DOCK2: variants seen among roughly 807,000 people sequenced by gnomAD.
DOCK2 encodes dedicator of cytokinesis 2.
Under a neutral mutation model 248.9 loss-of-function variants are expected in DOCK2, and 87 were observed. That is an observed-to-expected ratio of 0.35 (90% CI 0.29 to 0.42). DOCK2 has a LOEUF of 0.42. DOCK2 is among the 10% of genes least tolerant of loss of function. DOCK2 has a pLI of 1.00. For missense variants in DOCK2, 1,747 were observed against 2,300.2 expected, an observed-to-expected ratio of 0.76 and a Z score of 4.92; for synonymous variants, 805 against 821.6, an observed-to-expected ratio of 0.98 and a Z score of 0.35.
At chr5:169,908,807 C>G (rs555207087) in intron 27 of DOCK2, among the ~76,000 whole-genome samples, 2 of 150,404 alleles carry the variant, frequency 1.3e-5, no homozygotes, top group East Asian at 3.9e-4. Context: ...CTCTGCCTCC[C>G]AGGTTCAAGC....
intron 27 of DOCK2, among the ~76,000 whole-genome samples, chr5:169,930,242 G>T (rs1040380142): frequency 6.6e-6 from 1 of 152,042 alleles, no homozygotes; most frequent in Non-Finnish European, 1.5e-5. Context: ...CGCCTGCCTC[G>T]GCCTCCCAAA....
intron 9 of DOCK2, among the ~76,000 whole-genome samples, chr5:169,693,341 A>T (rs375830397): frequency 6.6e-6 from 1 of 152,290 alleles, no homozygotes; most frequent in African/African-American, 2.4e-5. Context: ...TGACAAAAAT[A>T]ACCTACTTAT....
At chr5:170,028,763 A>G (rs71589849) in intron 34 of DOCK2, among the ~76,000 whole-genome samples, 16 of 122,316 alleles carry the variant, frequency 1.3e-4, no homozygotes, top group African/African-American at 4.9e-4. Context: ...ACACACACAC[A>G]CACACGCGTG....
chr5:169,741,300 G>A (rs1763289561), intron 22 of DOCK2, among the ~76,000 whole-genome samples: 1 of 151,968 alleles, frequency 6.6e-6, no homozygotes, highest in Non-Finnish European at 1.5e-5. Flanking sequence ...TCCTTTGCAT[G>A]CCTATTTCAT....
At chr5:169,855,737 A>G (rs544002096) in intron 27 of DOCK2, among the ~76,000 whole-genome samples, 1 of 152,338 alleles carries the variant, frequency 6.6e-6, no homozygotes, top group South Asian at 2.1e-4. Flanking sequence ...TTTGGACATT[A>G]CAAGATGAGG....
chr5:169,827,887 T>C (rs1034211835), intron 26 of DOCK2, among the ~76,000 whole-genome samples: 21 of 146,302 alleles, frequency 1.4e-4, no homozygotes, highest in African/African-American at 3.6e-4. Flanking sequence ...CACACACACA[T>C]GGTTTTTCAA....
At chr5:170,055,506 T>G in intron 42 of DOCK2, 120 bp downstream of exon 42, 2 of 888,258 alleles carry the variant, frequency 2.3e-6, no homozygotes, top group Non-Finnish European at 1.8e-6. Flanking sequence ...TCTTAGCCAG[T>G]TTTTCCCCCC....
intron 27 of DOCK2, among the ~76,000 whole-genome samples, chr5:169,950,425 C>G (rs1187527829): frequency 6.6e-6 from 1 of 152,192 alleles, no homozygotes; most frequent in African/African-American, 2.4e-5. Context: ...GACTTTCAAA[C>G]AACAGAAGCT....
At chr5:169,923,469 G>T (rs994851448) in intron 27 of DOCK2, among the ~76,000 whole-genome samples, 1 of 140,592 alleles carries the variant, frequency 7.1e-6, no homozygotes, top group Non-Finnish European at 1.5e-5. Context: ...ATGCGTGCGT[G>T]TGCATGCACG....
intron 46 of DOCK2, chr5:170,075,676 C>A: frequency 5.4e-6 from 2 of 371,458 alleles, no homozygotes; most frequent in South Asian, 3.8e-5. Context: ...TTTTCCCAAC[C>A]ATGTGGCCTT....
intron 23 of DOCK2, among the ~76,000 whole-genome samples, chr5:169,754,338 G>A (rs1004485190): frequency 1.3e-5 from 2 of 152,144 alleles, no homozygotes; most frequent in Non-Finnish European, 1.5e-5. Flanking sequence ...AACCACTCTT[G>A]GTTGCTTTGG....
At chr5:170,069,314 C>A in intron 46 of DOCK2, 94 bp downstream of exon 46, 1 of 1,306,946 alleles carries the variant, frequency 7.7e-7, no homozygotes, top group Non-Finnish European at 1.1e-6. Context: ...CTGAGGCAGC[C>A]TGAATTCACA....
At chr5:169,852,436 A>G (rs754094040) in intron 27 of DOCK2, among the ~76,000 whole-genome samples, 2 of 152,178 alleles carry the variant, frequency 1.3e-5, no homozygotes, top group Non-Finnish European at 2.9e-5. Flanking sequence ...GGAACTGGGG[A>G]CAAGCTATGT....
chr5:169,967,842 T>TA (rs1267958003), intron 27 of DOCK2, among the ~76,000 whole-genome samples: 1 of 152,056 alleles, frequency 6.6e-6, no homozygotes, highest in Non-Finnish European at 1.5e-5. Context: ...GAAAAATTTC[T>TA]AAATCCCCAT....
intron 14 of DOCK2, among the ~76,000 whole-genome samples, chr5:169,704,759 A>ATATGTGTGTG (rs1207381620): frequency 1.4e-5 from 2 of 139,900 alleles, no homozygotes; most frequent in Non-Finnish European, 3.1e-5. Flanking sequence ...CTCCATATAT[A>ATATGTGTGTG]TGTGTGTGTG....
intron 22 of DOCK2, among the ~76,000 whole-genome samples, chr5:169,730,282 A>G (rs1169309178): frequency 6.6e-6 from 1 of 152,210 alleles, no homozygotes; most frequent in Non-Finnish European, 1.5e-5. Context: ...TGATAGATGC[A>G]AATGAATCAG....
At chr5:170,049,332 C>A (rs1263979829) in intron 40 of DOCK2, among the ~76,000 whole-genome samples, 3 of 152,218 alleles carry the variant, frequency 2.0e-5, no homozygotes, top group Admixed American at 2.0e-4. Context: ...CCAGGATGGT[C>A]TCCATCTCTT....
intron 22 of DOCK2, among the ~76,000 whole-genome samples, chr5:169,741,719 G>A (rs578105338): frequency 1.6e-4 from 25 of 151,812 alleles, no homozygotes; most frequent in Non-Finnish European, 2.2e-4. Context: ...CCTGGATAAC[G>A]GATGCCTCCC....
intron 32 of DOCK2, among the ~76,000 whole-genome samples, chr5:170,016,686 A>G (rs13436847): frequency 6.6e-6 from 1 of 152,216 alleles, no homozygotes; most frequent in African/African-American, 2.4e-5. Context: ...TATCATGCCC[A>G]ATGCCCTCCA....
Sources: allele counts gnomAD v4.1 joint callset (sites outside exome capture counted in the v4.1 genomes callset), GRCh38; gene constraint gnomAD v4.1.1; transcripts MANE v1.5; gene names NCBI Gene and HGNC (gene_info 2026-07-23, HGNC 2026-07-21).